MTUS2: variants seen among roughly 807,000 people sequenced by gnomAD.
MTUS2 encodes the protein microtubule-associated tumor suppressor candidate 2.
Under a neutral mutation model 114.1 loss-of-function variants are expected in MTUS2, and 40 were observed. The observed-to-expected ratio is 0.35, with a 90% CI of 0.27 to 0.46. The LOEUF (loss-of-function observed/expected upper bound fraction) is 0.46. MTUS2 is among the 20% of genes least tolerant of loss of function. MTUS2 has a pLI of 1.00. For missense variants in MTUS2, 1,679 were observed against 1,705.4 expected (o/e 0.98, Z 0.27); for synonymous variants, 688 against 672.0 (o/e 1.02, Z -0.37).
At chr13:29,497,205 C>A (rs374826458) in intron 12 of MTUS2, 33 bp from the exon 13 acceptor site, 23 of 1,590,286 alleles carry the variant, frequency 1.4e-5, no homozygotes, top group Non-Finnish European at 1.9e-5. Context: ...TCTGTAGTGG[C>A]CCCAGCTGGA....
At chr13:29,445,606 C>T (rs1458282959) in intron 9 of MTUS2, among the ~76,000 whole-genome samples, 1 of 152,104 alleles carries the variant, frequency 6.6e-6, no homozygotes. Context: ...GAATCATGTT[C>T]AAGAGTTTAT....
intron 5 of MTUS2, among the ~76,000 whole-genome samples, chr13:29,218,680 T>C (rs1895780766): frequency 6.6e-6 from 1 of 152,216 alleles, no homozygotes; most frequent in Admixed American, 6.5e-5. Context: ...CTTTTTCATC[T>C]CCATCAGAGC....
intron 8 of MTUS2, among the ~76,000 whole-genome samples, chr13:29,395,152 T>C (rs1873815563): frequency 6.6e-6 from 1 of 152,226 alleles, no homozygotes; most frequent in African/African-American, 2.4e-5. Context: ...TGGAATTTGA[T>C]GTCTTATTGC....
intron 5 of MTUS2, among the ~76,000 whole-genome samples, chr13:29,145,306 G>A (rs1283485044): frequency 6.6e-6 from 1 of 152,114 alleles, no homozygotes; most frequent in Non-Finnish European, 1.5e-5. Flanking sequence ...TGGATCACGA[G>A]GTCAGAAGTT....
chr13:29,054,298 T>C (rs1048191676), intron 4 of MTUS2, among the ~76,000 whole-genome samples: 2 of 152,232 alleles, frequency 1.3e-5, no homozygotes, highest in Non-Finnish European at 2.9e-5. Flanking sequence ...TAAGGGATAT[T>C]TATATATTCT....
intron 6 of MTUS2, among the ~76,000 whole-genome samples, chr13:29,311,357 T>G (rs1034785353): frequency 6.6e-6 from 1 of 152,216 alleles, no homozygotes. Flanking sequence ...GATGTTTGTT[T>G]TATAATTATG....
chr13:29,360,886 G>C (rs1281906957), intron 8 of MTUS2, among the ~76,000 whole-genome samples: 1 of 152,154 alleles, frequency 6.6e-6, no homozygotes, highest in Non-Finnish European at 1.5e-5. Context: ...TAGTCACACT[G>C]CCTGCTCTGG....
chr13:29,132,946 C>T (rs1054454966), intron 5 of MTUS2, among the ~76,000 whole-genome samples: 3 of 151,532 alleles, frequency 2.0e-5, no homozygotes, highest in Non-Finnish European at 4.4e-5. Context: ...TACTGTTTTC[C>T]GTAACAGCTG....
intron 5 of MTUS2, among the ~76,000 whole-genome samples, chr13:29,195,664 C>T (rs1322978925): frequency 2.6e-5 from 4 of 151,874 alleles, no homozygotes; most frequent in African/African-American, 7.3e-5. Context: ...CTGTGGAGGC[C>T]AAGGGAAGGG....
intron 2 of MTUS2, among the ~76,000 whole-genome samples, chr13:28,972,027 T>C (rs1180825721): frequency 6.6e-6 from 1 of 152,258 alleles, no homozygotes; most frequent in African/African-American, 2.4e-5. Context: ...TTAGTATTAA[T>C]GAGAACTTTC....
chr13:29,477,352 C>T (rs1356602247), intron 9 of MTUS2, among the ~76,000 whole-genome samples: 1 of 152,148 alleles, frequency 6.6e-6, no homozygotes, highest in African/African-American at 2.4e-5. Context: ...TTCCTAAGAG[C>T]TTTGTTCGCT....
intron 2 of MTUS2, among the ~76,000 whole-genome samples, chr13:28,993,051 C>G (rs565070550): frequency 6.6e-6 from 1 of 152,150 alleles, no homozygotes; most frequent in Non-Finnish European, 1.5e-5. Context: ...TTCCATGTTG[C>G]AGGATGTGTC....
chr13:29,440,592 A>G (rs1406727887), intron 9 of MTUS2, among the ~76,000 whole-genome samples: 1 of 152,066 alleles, frequency 6.6e-6, no homozygotes, highest in Non-Finnish European at 1.5e-5. Flanking sequence ...TGTGGCTTTC[A>G]CCGTAGGTCA....
At chr13:29,232,846 CTG>C (rs1296781169) in intron 5 of MTUS2, among the ~76,000 whole-genome samples, 2 of 152,088 alleles carry the variant, frequency 1.3e-5, no homozygotes, top group African/African-American at 4.8e-5. Flanking sequence ...GGAGAAATGT[CTG>C]TATTAAACGT....
Position 29,027,707 on chromosome 13 carries a change from G to A in MTUS2, c.2205+804G>A, listed in dbSNP as rs182055145. 5.7e-3 allele frequency among the ~76,000 whole-genome samples: 873 copies of A among 152,144 alleles called. 5 individuals are homozygous for A. The highest frequency in any genetic ancestry group is 9.8e-3 in the Non-Finnish European group (667 of 67,982). On this transcript the variant is annotated intron_variant, in intron 3 of 15. Transcript: ENST00000612955. ...CCTGGGACTACAGGCGCCCGCCACCGCGCCTGGCTACTTTTTTGTATTTTT... is the reference window on the plus strand; with the variant it reads ...CCTGGGACTACAGGCGCCCGCCACCACGCCTGGCTACTTTTTTGTATTTTT...
At chr13:28,965,666 A>C (rs1883548271) in intron 2 of MTUS2, among the ~76,000 whole-genome samples, 1 of 152,200 alleles carries the variant, frequency 6.6e-6, no homozygotes. Flanking sequence ...GAATTGGCTC[A>C]TCAACTGTAG....
rs117089497 is a variant in MTUS2 at position 29,452,947 on chromosome 13, A to G, written c.3184+12898A>G. The stretch of plus-strand genomic sequence containing the variant: ...TATAGTTTACAAAGCTCTTTCACAC[A>G]TTATTGCATTTGATCCTGACAACAA... On this transcript the variant is annotated intron_variant, in intron 9 of 15. Coordinates refer to ENST00000612955, the MANE Select transcript of MTUS2 (RefSeq NM_001033602.4). Among the ~76,000 whole-genome samples the G allele has an allele frequency of 6.5e-3, 992 of 152,304 alleles. 6 individuals are homozygous for G. Among genetic ancestry groups the G allele is most frequent in the Middle Eastern group, 0.01 (3 of 294 alleles).
At chr13:29,328,989 C>A (rs1229962996) in intron 7 of MTUS2, among the ~76,000 whole-genome samples, 1 of 152,066 alleles carries the variant, frequency 6.6e-6, no homozygotes, top group East Asian at 1.9e-4. Flanking sequence ...TGTGACTCCC[C>A]CAGGCCCTTA....
At chr13:29,219,462 A>G (rs992788302) in intron 5 of MTUS2, among the ~76,000 whole-genome samples, 2 of 151,970 alleles carry the variant, frequency 1.3e-5, no homozygotes, top group African/African-American at 2.4e-5. Flanking sequence ...TAGCAGCATG[A>G]TTTATAGTCC....
Sources: allele counts gnomAD v4.1 joint callset (sites outside exome capture counted in the v4.1 genomes callset), GRCh38; gene constraint gnomAD v4.1.1; transcripts MANE v1.5; gene names NCBI Gene and HGNC (gene_info 2026-07-23, HGNC 2026-07-21).